CFAP299: variants seen among roughly 807,000 people sequenced by gnomAD.
CFAP299 encodes cilia- and flagella-associated protein 299.
A neutral mutation model predicts 27.0 loss-of-function variants in CFAP299; 21 were observed. The ratio of observed to expected loss-of-function variants is 0.78; its 90% confidence interval spans 0.55 to 1.12. The LOEUF is 1.12. Ranked by LOEUF, CFAP299 falls within the 50% of genes most tolerant of loss-of-function variation. CFAP299 has a pLI of 0.00. For missense variants in CFAP299, 310 were observed against 276.6 expected (o/e 1.12, Z -0.86); for synonymous variants, 104 against 98.1 (o/e 1.06, Z -0.36).
chr4:80,689,233 A>T (rs971052640), intron 3 of CFAP299, among the ~76,000 whole-genome samples: 1 of 152,168 alleles, frequency 6.6e-6, no homozygotes, highest in Non-Finnish European at 1.5e-5. Flanking sequence ...TCCAAGACAC[A>T]TAATTGTCAG....
chr4:80,831,512 A>G (rs537591000), intron 3 of CFAP299, among the ~76,000 whole-genome samples: 3 of 152,098 alleles, frequency 2.0e-5, no homozygotes, highest in South Asian at 2.1e-4. Flanking sequence ...GTTTCTCACA[A>G]TAGGAGGGTA....
chr4:80,856,349 G>T (rs973003205), intron 3 of CFAP299, among the ~76,000 whole-genome samples: 11 of 148,920 alleles, frequency 7.4e-5, no homozygotes, highest in East Asian at 2.0e-4. Flanking sequence ...CCCATTTTGT[G>T]GGTTGCCTGT....
intron 3 of CFAP299, among the ~76,000 whole-genome samples, chr4:80,833,390 CAT>C (rs1447699358): frequency 6.6e-6 from 1 of 151,806 alleles, no homozygotes; most frequent in African/African-American, 2.4e-5. Flanking sequence ...TTCCCTGTCT[CAT>C]TGATACTTTA....
intron 2 of CFAP299, among the ~76,000 whole-genome samples, chr4:80,546,521 A>G (rs995577458): frequency 2.0e-5 from 3 of 152,192 alleles, no homozygotes; most frequent in Non-Finnish European, 4.4e-5. Flanking sequence ...ATGGATAGTG[A>G]TATAGTTTGA....
At chr4:80,678,824 C>T (rs1212123784) in intron 3 of CFAP299, among the ~76,000 whole-genome samples, 3 of 151,926 alleles carry the variant, frequency 2.0e-5, no homozygotes, top group Non-Finnish European at 4.4e-5. Context: ...TACCTTTCAC[C>T]CAGTTTCCTC....
At chr4:80,838,512 T>C (rs1730687209) in intron 3 of CFAP299, among the ~76,000 whole-genome samples, 1 of 152,148 alleles carries the variant, frequency 6.6e-6, no homozygotes, top group Non-Finnish European at 1.5e-5. Context: ...ATTTATGAAA[T>C]AGGGACTCCT....
intron 3 of CFAP299, among the ~76,000 whole-genome samples, chr4:80,638,047 C>A (rs998704151): frequency 2.0e-5 from 3 of 152,180 alleles, no homozygotes; most frequent in Admixed American, 6.6e-5. Flanking sequence ...TACAGGAAAT[C>A]TTCAAGTGTT....
chr4:80,869,575 A>T (rs6854568), intron 3 of CFAP299, among the ~76,000 whole-genome samples: 1 of 151,974 alleles, frequency 6.6e-6, no homozygotes, highest in Non-Finnish European at 1.5e-5. Flanking sequence ...GTGCAGTGGC[A>T]CGTTCTTGGC....
chr4:80,631,861 C>A lies in CFAP299; in HGVS notation c.333+48678C>A, dbSNP rs1334427628. Among the ~76,000 whole-genome samples the A allele has an allele frequency of 5.5e-5, 3 of 54,460 alleles. 1 individual carries two copies. Among genetic ancestry groups the A allele is most frequent in the East Asian group, 2.0e-3 (2 of 1,020 alleles). The allele number at this position is 54,460 out of a possible 152,430, so 35.7% of individuals were successfully genotyped here. A position where few individuals can be genotyped will look rare whatever the true frequency, so the allele number is the denominator to read the frequency against. On this transcript the variant is annotated intron_variant, in intron 3 of 5. Coordinates refer to ENST00000358105, the MANE Select transcript of CFAP299 (RefSeq NM_152770.3). ...AGGCTATCAGTCTGAATATTTGTGCCCCACCCCCCCCCAACCAAATTCATA... is the reference window on the plus strand; with the variant it reads ...AGGCTATCAGTCTGAATATTTGTGCACCACCCCCCCCCAACCAAATTCATA...
intron 3 of CFAP299, among the ~76,000 whole-genome samples, chr4:80,789,991 G>A (rs1042504210): frequency 6.6e-6 from 1 of 151,946 alleles, no homozygotes; most frequent in Admixed American, 6.6e-5. Flanking sequence ...GGAATCAGTA[G>A]GGGACTTGCT....
intron 2 of CFAP299, among the ~76,000 whole-genome samples, chr4:80,463,042 T>A (rs1729525824): frequency 6.6e-6 from 1 of 152,142 alleles, no homozygotes; most frequent in Non-Finnish European, 1.5e-5. Flanking sequence ...ATCGTCTTGT[T>A]TTGTAGTTGC....
At chr4:80,386,369 C>G in intron 2 of CFAP299, 1 of 1,487,440 alleles carries the variant, frequency 6.7e-7, no homozygotes, top group Non-Finnish European at 9.1e-7. Flanking sequence ...CGAAGGGCGG[C>G]TTGCCCGGGA....
In CFAP299 at chr4:80,590,229, C is replaced by T. The variant is rs941095164; in HGVS notation, c.333+7046C>T. Among the ~76,000 whole-genome samples the T allele has an allele frequency of 5.3e-5, 8 of 152,148 alleles. 1 individual carries two copies. In the South Asian group the frequency reaches 8.3e-4, roughly 16 times the overall value. On this transcript the variant is annotated intron_variant, in intron 3 of 5. Coordinates refer to ENST00000358105, the MANE Select transcript of CFAP299 (RefSeq NM_152770.3). ...AATGACACTCCGTCACTGATGAATT[C>T]GTTCCTTCTTGTGTCTCAGTTTCCT...
chr4:80,417,869 C>T (rs372284730), intron 2 of CFAP299, among the ~76,000 whole-genome samples: 3 of 152,002 alleles, frequency 2.0e-5, no homozygotes, highest in Non-Finnish European at 4.4e-5. Context: ...CTGTCTCTTC[C>T]ACCATGTGAA....
At chr4:80,852,955 A>G (rs147258008) in intron 3 of CFAP299, among the ~76,000 whole-genome samples, 9 of 152,328 alleles carry the variant, frequency 5.9e-5, no homozygotes, top group Admixed American at 2.6e-4. Flanking sequence ...CATGTAGAAC[A>G]AAATGAAGTC....
intron 2 of CFAP299, among the ~76,000 whole-genome samples, chr4:80,555,721 C>G (rs769487496): frequency 6.6e-6 from 1 of 151,964 alleles, no homozygotes; most frequent in Non-Finnish European, 1.5e-5. Flanking sequence ...CTTGTTCAGT[C>G]TTGGGAGGAT....
chr4:80,563,051 A>C (rs1735117491), intron 2 of CFAP299, among the ~76,000 whole-genome samples: 1 of 152,124 alleles, frequency 6.6e-6, no homozygotes, highest in Non-Finnish European at 1.5e-5. Context: ...AGATATGTAA[A>C]GGAAATAATA....
At chr4:80,914,882 G>A (rs1735667669) in intron 4 of CFAP299, among the ~76,000 whole-genome samples, 1 of 152,052 alleles carries the variant, frequency 6.6e-6, no homozygotes, top group Admixed American at 6.6e-5. Flanking sequence ...CAACCTAGCT[G>A]GAGGTTTACC....
At chr4:80,652,856 C>G (rs1740376804) in intron 3 of CFAP299, among the ~76,000 whole-genome samples, 1 of 152,120 alleles carries the variant, frequency 6.6e-6, no homozygotes, top group African/African-American at 2.4e-5. Flanking sequence ...CTTGAGTTCT[C>G]AAATCCGACT....
Sources: allele counts gnomAD v4.1 joint callset (sites outside exome capture counted in the v4.1 genomes callset), GRCh38; gene constraint gnomAD v4.1.1; transcripts MANE v1.5; gene names NCBI Gene and HGNC (gene_info 2026-07-23, HGNC 2026-07-21).